The following PLEKHG2 variants were observed in gnomAD, a reference collection of about 807,000 sequenced individuals.
The protein encoded by PLEKHG2 is pleckstrin homology and RhoGEF domain containing G2.
PLEKHG2 carries 71 observed loss-of-function variants against 104.4 expected under a neutral mutation model. The observed-to-expected ratio is 0.68, with a 90% CI of 0.56 to 0.83. PLEKHG2 has a LOEUF of 0.83. Ranked by LOEUF, PLEKHG2 falls within the 40% of genes least tolerant of loss-of-function variation. PLEKHG2 has a pLI of 0.00. For missense variants in PLEKHG2, 1,730 were observed against 1,809.4 expected (o/e 0.96, Z 0.80); for synonymous variants, 728 against 737.0 (o/e 0.99, Z 0.20).
rs767940222 is a variant in PLEKHG2, at chr19:39,416,298, G to T, written c.480-50G>T. The T allele has an allele frequency of 6.3e-7, 1 of 1,598,334 alleles. No homozygotes were observed. Among genetic ancestry groups the T allele is most frequent in the South Asian group, 1.1e-5 (1 of 90,382 alleles). On this transcript the variant is annotated intron_variant, in intron 4 of 18. Transcript: ENST00000425673. The surrounding 1 kb of genome is among the most constrained non-coding windows in gnomAD (Gnocchi z 4.5). ...CCTCAGCCTCCTGGAGGCCTCCCAT[G>T]GAGGGGTCGTGAAGGCAGGCGGTTC... is the stretch of plus-strand genomic sequence containing the variant.
chr19:39,418,817 C>T lies in PLEKHG2; in HGVS notation c.1167C>T (p.His389=). Residue 389 remains histidine (H), a synonymous_variant, in exon 10 of 19, where the codon CAC becomes CAT. Coordinates refer to ENST00000425673, the MANE Select transcript of PLEKHG2 (RefSeq NM_022835.3). ...ATCTGACCATTCCCAAGCACAGACA[C>T]CTGCTCCAGGTGAGCATGTAGTGGG... ...VSDLTIPKHR[H]LLQAKNQEEK... is the part of the protein sequence containing the mutation. The T allele has an allele frequency of 4.3e-6, 7 of 1,609,332 alleles. No homozygotes were observed. The South Asian group carries it at 6.6e-5, about 15-fold the overall frequency.
At position 39,415,765 on chromosome 19, in the gene PLEKHG2, G is replaced by T. The variant is rs1411176435; in HGVS notation, c.479+326G>T. Among the ~76,000 whole-genome samples the T allele has an allele frequency of 6.6e-6, 1 of 152,130 alleles. No homozygotes were observed. The highest frequency in any genetic ancestry group is 2.4e-5 in the African/African-American group (1 of 41,414). ...GGATGAAGCCCAAACACTGGGACAGGGTCCCGGCATCAGGACGAGTCCTTG... is the reference window on the plus strand; with the variant it reads ...GGATGAAGCCCAAACACTGGGACAGTGTCCCGGCATCAGGACGAGTCCTTG... On this transcript the variant is annotated intron_variant, in intron 4 of 18. Coordinates refer to ENST00000425673, the MANE Select transcript of PLEKHG2 (RefSeq NM_022835.3). This position sits in a 1 kb window ranked among gnomAD's most constrained non-coding sequence, Gnocchi z 4.6.
rs769193939 is a variant in PLEKHG2 at position 39,415,330 on chromosome 19, T to TC, written c.379-6dup. 6 of 1,613,284 alleles carry TC rather than the reference T, an allele frequency of 3.7e-6. No homozygotes were observed. The South Asian group carries it at 4.4e-5, about 12-fold the overall frequency. ...CCCTTGGCCCCCATAACCCCAGTCA[T>TC]CCCAACAGGACTACCTGGGCCCTCT... On this transcript the variant is annotated splice_polypyrimidine_tract_variant and intron_variant, in intron 3 of 18. Transcript: ENST00000425673. This position sits in a 1 kb window ranked among gnomAD's most constrained non-coding sequence, Gnocchi z 4.6.
At position 39,415,462 on chromosome 19, in the gene PLEKHG2, A is replaced by G. The variant is rs764841684; in HGVS notation, c.479+23A>G. ...CAGGTCAGGGGCAGGGGGGACAGGCAGGGGGCATTGATTGGTTGGAGGGTC... is the reference window on the plus strand; with the variant it reads ...CAGGTCAGGGGCAGGGGGGACAGGCGGGGGGCATTGATTGGTTGGAGGGTC... On this transcript the variant is annotated intron_variant, in intron 4 of 18. Coordinates refer to ENST00000425673, the MANE Select transcript of PLEKHG2 (RefSeq NM_022835.3). The surrounding 1 kb of genome is among the most constrained non-coding windows in gnomAD (Gnocchi z 4.6). The G allele has an allele frequency of 4.3e-6, 7 of 1,612,304 alleles. No homozygotes were observed. The South Asian group carries it at 7.7e-5, about 18-fold the overall frequency.
intron 11 of PLEKHG2, 32 bp from the exon 12 acceptor site, chr19:39,420,594 C>T (rs375204586): frequency 1.2e-6 from 2 of 1,613,954 alleles, no homozygotes; most frequent in African/African-American, 2.7e-5. Context: ...CCAAGATCGA[C>T]CCACCTCAGC....
At position 39,424,248 on chromosome 19, in the gene PLEKHG2, C is replaced by T. The variant is rs1366463111; in HGVS notation, c.3115C>T (p.Pro1039Ser). 1 of 1,614,186 alleles carries T rather than the reference C, an allele frequency of 6.2e-7. No homozygotes were observed. The highest frequency in any genetic ancestry group is 8.5e-7 in the Non-Finnish European group (1 of 1,180,040). The stretch of plus-strand genomic sequence containing the variant: ...CACAGTTTCAGTCACCACCCCTGTG[C>T]CCAAGCAAGAAGGTCACCTAGACAG... ...DFTVSVTTPVPKQEGHLDSES... is the reference protein window; with the variant it reads ...DFTVSVTTPVSKQEGHLDSES... Residue 1039 changes from proline (P) to serine (S), a missense_variant, in exon 19 of 19, where the codon CCC (proline) becomes TCC (serine). Pro to Ser is a moderately conservative substitution (Grantham distance 74). Coordinates refer to ENST00000425673, the MANE Select transcript of PLEKHG2 (RefSeq NM_022835.3).
In PLEKHG2 at chr19:39,413,283, A is replaced by G. The variant is rs1029275980; in HGVS notation, c.-152A>G. ...GACCCCAGTCTCCGAGAGACCCCAG[A>G]TTCTATTCCTGGAGCCTGAGAGCCC... On this transcript the variant is annotated 5_prime_UTR_variant, in exon 1 of 19. Transcript: ENST00000425673. The surrounding 1 kb of genome is among the most constrained non-coding windows in gnomAD (Gnocchi z 4.5). 6.6e-6 allele frequency: 1 copy of G among 152,146 alleles called. No homozygotes were observed. Among genetic ancestry groups the G allele is most frequent in the Non-Finnish European group, 1.5e-5 (1 of 68,078 alleles). The allele number at this position is 152,146 out of a possible 1,614,324, so 9.4% of individuals were successfully genotyped here.
At chr19:39,421,746 C>G (rs569467805) in intron 16 of PLEKHG2, 109 of 220,076 alleles carry the variant, frequency 5.0e-4, no homozygotes, top group South Asian at 6.8e-4. Flanking sequence ...GAGCCAGGTA[C>G]GGTGGCTCAC....
chr19:39,422,214 C>T lies in PLEKHG2; in HGVS notation c.1603C>T (p.Leu535=). 6.2e-7 allele frequency: 1 copy of T among 1,613,922 alleles called. No individual in the cohort carries two copies. Reference sequence around the variant, plus strand: ...CCTGGAGGATGCTGGACCCCCAACACTGGACCCCTCTGGGACCTCAATCAC... The same window carrying T: ...CCTGGAGGATGCTGGACCCCCAACATTGGACCCCTCTGGGACCTCAATCAC... The part of the protein sequence containing the change: ...EDLEDAGPPT[L]DPSGTSITEE... The change falls in exon 17 of 19, where the codon CTG becomes TTG. Residue 535 remains leucine (L), a synonymous_variant. Coordinates refer to ENST00000425673, the MANE Select transcript of PLEKHG2 (RefSeq NM_022835.3).
In PLEKHG2 at chr19:39,416,885, C is replaced by A. The variant is rs201825139; in HGVS notation, c.629C>A (p.Pro210Gln). ...LALLRELSLS[P>Q]PAALWLQERQ... Reference sequence around the variant, plus strand: ...CTGCTCCGGGAGCTGTCGTTGTCTCCGCCAGCAGCCCTGTGGCTGCAGGAG... The same window carrying A: ...CTGCTCCGGGAGCTGTCGTTGTCTCAGCCAGCAGCCCTGTGGCTGCAGGAG... Residue 210 changes from proline (P) to glutamine (Q), a missense_variant, in exon 7 of 19, where the codon CCG (proline) becomes CAG (glutamine). Transcript: ENST00000425673. This position sits in a 1 kb window ranked among gnomAD's most constrained non-coding sequence, Gnocchi z 4.5. 3.1e-6 allele frequency: 5 copies of A among 1,611,690 alleles called. No homozygotes were observed. The African/African-American group carries it at 6.7e-5, about 22-fold the overall frequency.
chr19:39,415,664 C>T lies in PLEKHG2; in HGVS notation c.479+225C>T, dbSNP rs570817994. Among the ~76,000 whole-genome samples, 11 of 151,624 alleles carry T rather than the reference C, an allele frequency of 7.3e-5. No individual in the cohort carries two copies. The highest frequency in any genetic ancestry group is 1.3e-4 in the Non-Finnish European group (9 of 67,836). On this transcript the variant is annotated intron_variant, in intron 4 of 18. Transcript: ENST00000425673. The surrounding 1 kb of genome is among the most constrained non-coding windows in gnomAD (Gnocchi z 4.6). ...AGGGGCATAGCGGATGGGAGGACCC[C>T]GAGTGAGGGAGGGGCATAGCGGATG...
Position 39,425,128 on chromosome 19 carries a change from G to T in PLEKHG2, c.3995G>T (p.Arg1332Leu). 1.3e-6 allele frequency: 2 copies of T among 1,586,692 alleles called. No homozygotes were observed. Among genetic ancestry groups the T allele is most frequent in the Non-Finnish European group, 1.7e-6 (2 of 1,167,694 alleles). ...CAGCCACCACCTCCCCCAGCCAGGCGGCTCAGCTATGCCACGACGGTTAAC... is the reference window on the plus strand; with the variant it reads ...CAGCCACCACCTCCCCCAGCCAGGCTGCTCAGCTATGCCACGACGGTTAAC... Reference protein sequence around the residue: ...QPQPPPPPARRLSYATTVNIH... With the variant: ...QPQPPPPPARLLSYATTVNIH... The change falls in exon 19 of 19, where the codon CGG becomes CTG. Residue 1332 changes from arginine (R) to leucine (L), a missense_variant. By Grantham distance (102) the Arg-to-Leu change is moderately radical (BLOSUM62 -2). Coordinates refer to ENST00000425673, the MANE Select transcript of PLEKHG2 (RefSeq NM_022835.3).
In PLEKHG2 at chr19:39,422,964, A is replaced by G. The variant is rs186921398; in HGVS notation, c.1910A>G (p.Asp637Gly). The G allele has an allele frequency of 1.8e-5, 29 of 1,614,118 alleles. No individual in the cohort carries two copies. In the East Asian group the frequency reaches 5.3e-4, roughly 30 times the overall value. ...ATTCCCTGCCTTACCAAAATTCCTG[A>G]CGTGCCCAACCTTCCTGAAATTCCC... ...PSIPCLTKIP[D>G]VPNLPEIPSR... Residue 637 changes from aspartate (D) to glycine (G), a missense_variant, in exon 18 of 19, where the codon GAC becomes GGC. Asp to Gly is a moderately conservative substitution (Grantham distance 94). Coordinates refer to ENST00000425673, the MANE Select transcript of PLEKHG2 (RefSeq NM_022835.3).
chr19:39,422,111 A>T lies in PLEKHG2; in HGVS notation c.1504-4A>T, dbSNP rs756705980. On this transcript the variant is annotated splice_polypyrimidine_tract_variant and splice_region_variant and intron_variant, in intron 16 of 18. Transcript: ENST00000425673. ...TTGCCTTCCATTGCTTTCCCTCCTC[A>T]CAGCACGCTGGCAGCGAAGGGGAAC... 1 of 1,605,268 alleles carries T rather than the reference A, an allele frequency of 6.2e-7. No homozygotes were observed. The highest frequency in any genetic ancestry group is 8.5e-7 in the Non-Finnish European group (1 of 1,175,974).
At chr19:39,420,572 C>T in intron 11 of PLEKHG2, 54 bp from the exon 12 acceptor site, 1 of 1,611,510 alleles carries the variant, frequency 6.2e-7, no homozygotes, top group Non-Finnish European at 8.5e-7. Context: ...AAAGTATCCT[C>T]TCTGTGGTAC....
chr19:39,422,680 C>T, intron 17 of PLEKHG2, 52 bp from the exon 18 acceptor site: 4 of 1,496,388 alleles, frequency 2.7e-6, no homozygotes, highest in Non-Finnish European at 3.6e-6. Context: ...TGAGCCACCA[C>T]ACCCAGCTAC....
At position 39,424,646 on chromosome 19, in the gene PLEKHG2, C is replaced by T. The variant is rs748871165; in HGVS notation, c.3513C>T (p.Asp1171=). 2.5e-6 allele frequency: 4 copies of T among 1,614,204 alleles called. No individual in the cohort carries two copies. Among genetic ancestry groups the T allele is most frequent in the Admixed American group, 3.3e-5 (2 of 60,026 alleles). The change falls in exon 19 of 19, where the codon GAC becomes GAT. Residue 1171 remains aspartate (D), a synonymous_variant. Transcript: ENST00000425673. The part of the protein sequence containing the change: ...PTSPKQGSLP[D]IQGPAAAPPL... ...CACCCAAGCAGGGAAGCCTCCCAGA[C>T]ATCCAGGGTCCAGCGGCTGCACCTC...
chr19:39,426,898 C>CA lies in PLEKHG2; in HGVS notation c.*1605dup, dbSNP rs1282671985. On this transcript the variant is annotated 3_prime_UTR_variant, in exon 19 of 19. Coordinates refer to ENST00000425673, the MANE Select transcript of PLEKHG2 (RefSeq NM_022835.3). ...TCACTCTGTCACCCAGGCTTGAGTG[C>CA]AGTGGCAAAATCTTGGCTCATTGCA... 2 of 150,624 alleles carry CA rather than the reference C, an allele frequency of 1.3e-5. No homozygotes were observed. The highest frequency in any genetic ancestry group is 1.3e-4 in the Admixed American group (2 of 15,118). The allele number at this position is 150,624 out of a possible 1,614,324, so 9.3% of individuals were successfully genotyped here. A position where few individuals can be genotyped will look rare whatever the true frequency, so the allele number is the denominator to read the frequency against.
intron 11 of PLEKHG2, among the ~76,000 whole-genome samples, chr19:39,420,228 G>A (rs971742916): frequency 5.3e-5 from 8 of 151,608 alleles, no homozygotes; most frequent in South Asian, 2.1e-4. Context: ...GTGTGGTAGC[G>A]GGCACCTGTA....
Sources: gnomAD v4.1 joint callset for allele counts (sites outside exome capture counted in the v4.1 genomes callset) on GRCh38, gnomAD v4.1.1 for gene constraint, Gnocchi (gnomAD v3.1) non-coding constraint, MANE v1.5 for transcripts, NCBI Gene and HGNC (gene_info 2026-07-23, HGNC 2026-07-21) for gene names.